HTT: variants seen among roughly 807,000 people sequenced by gnomAD.
HTT encodes huntingtin.
A neutral mutation model predicts 362.3 loss-of-function variants in HTT; 104 were observed. The ratio of observed to expected loss-of-function variants is 0.29; its 90% CI spans 0.24 to 0.34. The LOEUF (loss-of-function observed/expected upper bound fraction) is 0.34, where lower values mean the gene tolerates loss of function less well. Ranked by LOEUF, HTT falls within the 10% of genes least tolerant of loss-of-function variation. HTT has a pLI of 1.00. For missense variants in HTT, 3,301 were observed against 3,928.6 expected, an observed-to-expected ratio of 0.84 and a Z score of 4.27; for synonymous variants, 1,577 against 1,548.7, an observed-to-expected ratio of 1.02 and a Z score of -0.43.
At chr4:3,127,857 G>A (rs1715598164) in intron 12 of HTT, among the ~76,000 whole-genome samples, 1 of 151,894 alleles carries the variant, frequency 6.6e-6, no homozygotes, top group African/African-American at 2.4e-5. Flanking sequence ...CCAGCTGTTA[G>A]GGAGGCTGAG....
intron 21 of HTT, among the ~76,000 whole-genome samples, chr4:3,138,234 T>C (rs756582977): frequency 2.8e-5 from 4 of 145,090 alleles, no homozygotes; most frequent in Non-Finnish European, 5.9e-5. Flanking sequence ...TTTCTACATA[T>C]ACACATTTTT....
At chr4:3,166,625 C>G (rs1049959894) in intron 29 of HTT, among the ~76,000 whole-genome samples, 1 of 152,230 alleles carries the variant, frequency 6.6e-6, no homozygotes, top group Non-Finnish European at 1.5e-5. Flanking sequence ...ATAGAACCAC[C>G]TACTCTAGCC....
intron 21 of HTT, among the ~76,000 whole-genome samples, chr4:3,140,014 G>A (rs181509146): frequency 6.6e-6 from 1 of 152,156 alleles, no homozygotes; most frequent in African/African-American, 2.4e-5. Context: ...CAGCACTATG[G>A]GGGGCTGAGG....
chr4:3,154,302 C>T lies in HTT; in HGVS notation c.3508C>T (p.Pro1170Ser), dbSNP rs1166908698. Residue 1170 changes from proline to serine, a missense_variant, in exon 27 of 67, where the codon CCT (proline) becomes TCT (serine). By Grantham distance (74) the Pro-to-Ser change is moderately conservative. Transcript: ENST00000355072. ...APGPAIKAAL[P>S]SLTNPPSLSP... Reference sequence around the variant, plus strand: ...TGTTTTTCTATTTTAGGCAGCCTTGCCTTCTCTAACAAACCCCCCTTCTCT... The same window carrying T: ...TGTTTTTCTATTTTAGGCAGCCTTGTCTTCTCTAACAAACCCCCCTTCTCT... The T allele has an allele frequency of 1.9e-6, 3 of 1,589,680 alleles. No individual in the cohort carries two copies. Among genetic ancestry groups the T allele is most frequent in the Non-Finnish European group, 8.6e-7 (1 of 1,168,024 alleles).
At chr4:3,222,357 C>A in intron 53 of HTT, 30 bp from the exon 54 acceptor site, 1 of 1,575,542 alleles carries the variant, frequency 6.3e-7, no homozygotes, top group Non-Finnish European at 8.7e-7. Context: ...GAAGGGTTGA[C>A]ACTCTCTCAT....
chr4:3,235,842 C>A, intron 63 of HTT, 64 bp downstream of exon 63: 1 of 1,297,922 alleles, frequency 7.7e-7, no homozygotes, highest in East Asian at 2.4e-5. Flanking sequence ...CAGGAGCATG[C>A]TCACTCAAGG....
chr4:3,133,342 AAGT>A (rs1299877862), intron 18 of HTT, among the ~76,000 whole-genome samples: 1 of 151,112 alleles, frequency 6.6e-6, no homozygotes, highest in Non-Finnish European at 1.5e-5. Context: ...AAAAAAAAAA[AAGT>A]AGCTGGGTAT....
chr4:3,237,138 A>G (rs2110304954), intron 64 of HTT, among the ~76,000 whole-genome samples: 1 of 149,182 alleles, frequency 6.7e-6, no homozygotes, highest in South Asian at 2.1e-4. Context: ...CAATGGTGTG[A>G]TCTCGGCTCA....
At chr4:3,203,155 AGTTT>A (rs1388621071) in intron 41 of HTT, 4 of 152,220 alleles carry the variant, frequency 2.6e-5, no homozygotes, top group African/African-American at 9.7e-5. Flanking sequence ...GCTAGGCTGT[AGTTT>A]GTTTTCACTT....
chr4:3,211,908 C>A lies in HTT; in HGVS notation c.6415-21C>A, dbSNP rs764562793. The A allele has an allele frequency of 7.0e-6, 11 of 1,565,976 alleles. No homozygotes were observed. The East Asian group carries it at 1.8e-4, about 26-fold the overall frequency. ...ATAATCTGTTGTTATTGTTTGTTAA[C>A]CTTTAATGCTCTGATTTCAGGAGTT... On this transcript the variant is annotated intron_variant, in intron 47 of 66. Coordinates refer to ENST00000355072, the MANE Select transcript of HTT (RefSeq NM_001388492.1).
At chr4:3,145,059 A>G (rs1429878010) in intron 23 of HTT, 93 bp from the exon 24 acceptor site, 5 of 971,794 alleles carry the variant, frequency 5.1e-6, no homozygotes, top group South Asian at 1.3e-5. Flanking sequence ...TTTTCTTCTC[A>G]TTGTTTGTAC....
Position 3,234,328 on chromosome 4 carries a change from C to T in HTT, c.8457-956C>T, listed in dbSNP as rs564118502. Among the ~76,000 whole-genome samples the T allele has an allele frequency of 1.2e-4, 18 of 152,354 alleles. No individual in the cohort carries two copies. The South Asian group carries it at 2.9e-3, about 25-fold the overall frequency. Reference sequence around the variant, plus strand: ...CACAAGCCCGTGGGGAGGCCCTTCTCGCCTGTCATCCTTGCTGGGCAGTGG... The same window carrying T: ...CACAAGCCCGTGGGGAGGCCCTTCTTGCCTGTCATCCTTGCTGGGCAGTGG... On this transcript the variant is annotated intron_variant, in intron 61 of 66. Transcript: ENST00000355072.
chr4:3,178,155 G>A (rs2110237795), intron 34 of HTT, 143 bp from the exon 35 acceptor site: 1 of 647,512 alleles, frequency 1.5e-6, no homozygotes. Context: ...TGTGGCAGGG[G>A]TGGGGTTAGA....
chr4:3,089,489 G>A (rs1231935732), intron 2 of HTT, among the ~76,000 whole-genome samples: 3 of 152,102 alleles, frequency 2.0e-5, no homozygotes, highest in Non-Finnish European at 4.4e-5. Context: ...TCCTGACCTC[G>A]TGATCCGCCC....
chr4:3,158,644 GT>G (rs11298141), intron 28 of HTT, among the ~76,000 whole-genome samples: 11,904 of 151,590 alleles, frequency 0.079, 534 homozygotes, highest in South Asian at 0.14. Flanking sequence ...CTTCTTATGG[GT>G]TTTTTTTCCC....
At chr4:3,115,204 C>G in intron 6 of HTT, 100 bp from the exon 7 acceptor site, 2 of 1,246,718 alleles carry the variant, frequency 1.6e-6, no homozygotes, top group Non-Finnish European at 2.2e-6. Context: ...TTATACTTTG[C>G]AAGAATTGGA....
chr4:3,102,879 G>C (rs1714223438), intron 3 of HTT, among the ~76,000 whole-genome samples: 1 of 152,312 alleles, frequency 6.6e-6, no homozygotes, highest in South Asian at 2.1e-4. Flanking sequence ...TTCTGGTTTA[G>C]CCTCACAAGT....
chr4:3,234,960 G>T (rs529174808), intron 61 of HTT, among the ~76,000 whole-genome samples: 16 of 152,344 alleles, frequency 1.1e-4, no homozygotes. Context: ...CTGGCCTGGG[G>T]TGTGGGAATC....
chr4:3,158,542 A>T (rs939561965), intron 28 of HTT, among the ~76,000 whole-genome samples: 18 of 152,038 alleles, frequency 1.2e-4, no homozygotes, highest in African/African-American at 2.9e-4. Context: ...AAAGGATTTT[A>T]AAAAAAACTT....
Sources: gnomAD v4.1 joint callset for allele counts (sites outside exome capture counted in the v4.1 genomes callset) on GRCh38, gnomAD v4.1.1 for gene constraint, MANE v1.5 for transcripts, NCBI Gene and HGNC (gene_info 2026-07-23, HGNC 2026-07-21) for gene names.